Variants in MAEA observed in about 807,000 individuals in gnomAD.
The protein encoded by MAEA is macrophage erythroblast attacher, E3 ubiquitin ligase.
Under a neutral mutation model 46.2 loss-of-function variants are expected in MAEA, and 22 were observed. The ratio of observed to expected loss-of-function variants is 0.48; its 90% confidence interval spans 0.34 to 0.68. The LOEUF (loss-of-function observed/expected upper bound fraction) is 0.68, where lower values mean the gene tolerates loss of function less well. Ranked by LOEUF, MAEA falls within the 30% of genes least tolerant of loss-of-function variation. MAEA has a pLI of 0.01. For missense variants in MAEA, 393 were observed against 558.1 expected (o/e 0.70, Z 2.98); for synonymous variants, 246 against 222.6 (o/e 1.11, Z -0.94).
At chr4:1,304,198 G>A (rs1038062937) in intron 1 of MAEA, among the ~76,000 whole-genome samples, 14 of 152,200 alleles carry the variant, frequency 9.2e-5, no homozygotes, top group South Asian at 4.1e-4. Context: ...GGTCCAAATC[G>A]TCGTGTGCTG....
chr4:1,313,152 C>G (rs1736724489), intron 2 of MAEA, among the ~76,000 whole-genome samples: 2 of 152,234 alleles, frequency 1.3e-5, no homozygotes. Context: ...ATTGGAGACC[C>G]TCAGCCTTCA....
intron 5 of MAEA, chr4:1,328,846 G>A: frequency 1.9e-6 from 2 of 1,046,210 alleles, no homozygotes; most frequent in South Asian, 2.8e-5. Context: ...ACGCACGAGG[G>A]AGCCAGGCCT....
At chr4:1,294,934 C>T (rs867265742) in intron 1 of MAEA, among the ~76,000 whole-genome samples, 4 of 152,124 alleles carry the variant, frequency 2.6e-5, no homozygotes, top group Middle Eastern at 6.8e-3. Flanking sequence ...AAGTCCTGGC[C>T]GGCTCTCACC....
intron 1 of MAEA, among the ~76,000 whole-genome samples, chr4:1,302,870 A>G (rs569069784): frequency 1.5e-3 from 233 of 152,334 alleles, no homozygotes; most frequent in South Asian, 7.9e-3. Flanking sequence ...ATCCTTAGGG[A>G]AATACAAACC....
At chr4:1,336,093 G>A (rs527920789) in intron 6 of MAEA, among the ~76,000 whole-genome samples, 3 of 152,178 alleles carry the variant, frequency 2.0e-5, no homozygotes, top group East Asian at 1.9e-4. Context: ...GCCCTGCAGT[G>A]TGTTGAAATC....
intron 6 of MAEA, 118 bp from the exon 7 acceptor site, chr4:1,336,743 G>A: frequency 1.1e-6 from 1 of 889,684 alleles, no homozygotes; most frequent in African/African-American, 1.7e-5. Context: ...AAAGTGTGTG[G>A]GTCACTGGGG....
chr4:1,298,106 T>G (rs1418570660), intron 1 of MAEA: 2 of 456,164 alleles, frequency 4.4e-6, no homozygotes, highest in African/African-American at 2.0e-5. Context: ...TTTAGCACCC[T>G]GTACCCCAGG....
chr4:1,293,973 G>A (rs754160527), intron 1 of MAEA, among the ~76,000 whole-genome samples: 8 of 152,160 alleles, frequency 5.3e-5, no homozygotes, highest in African/African-American at 2.4e-5. Flanking sequence ...ATGTGTTCTC[G>A]AGTGTGAGAA....
At chr4:1,313,615 TACTC>T (rs911515930) in intron 2 of MAEA, among the ~76,000 whole-genome samples, 4 of 151,992 alleles carry the variant, frequency 2.6e-5, no homozygotes, top group Non-Finnish European at 4.4e-5. Flanking sequence ...CCCCAGCAGA[TACTC>T]AGGAGGCTGA....
At chr4:1,306,241 G>A (rs185440101) in intron 1 of MAEA, among the ~76,000 whole-genome samples, 3 of 152,290 alleles carry the variant, frequency 2.0e-5, no homozygotes, top group East Asian at 3.9e-4. Context: ...TTTCCGCTGT[G>A]GTCTAATTTG....
At chr4:1,290,346 C>G (rs1030316537) in intron 1 of MAEA, among the ~76,000 whole-genome samples, 1 of 152,188 alleles carries the variant, frequency 6.6e-6, no homozygotes, top group Non-Finnish European at 1.5e-5. Flanking sequence ...CGTGCCCAGC[C>G]AGTGCCCGGC....
In MAEA at chr4:1,315,362, C is replaced by T. The variant is rs367557668; in HGVS notation, c.253-35C>T. ...CTTGGTGCAGGGCTGCGGGGCATCC[C>T]TGTCCTGAACGTGCCTCTGTTGTGT... is the stretch of plus-strand genomic sequence containing the variant. On this transcript the variant is annotated intron_variant, in intron 2 of 8. Transcript: ENST00000303400. 3.7e-6 allele frequency: 6 copies of T among 1,605,298 alleles called. No homozygotes were observed. The East Asian group carries it at 6.7e-5, about 18-fold the overall frequency.
chr4:1,320,917 G>A (rs945801594), intron 3 of MAEA, among the ~76,000 whole-genome samples: 1 of 152,176 alleles, frequency 6.6e-6, no homozygotes, highest in African/African-American at 2.4e-5. Context: ...TGGCTAACAC[G>A]GTGAAACCCT....
rs547096165 is a variant in MAEA, at chr4:1,327,560, G to T, written c.580-67G>T. 24 of 1,093,608 alleles carry T rather than the reference G, an allele frequency of 2.2e-5. No homozygotes were observed. In the African/African-American group the frequency reaches 2.6e-4, roughly 12 times the overall value. The allele number at this position is 1,093,608 out of a possible 1,614,324, so 67.7% of individuals were successfully genotyped here. On this transcript the variant is annotated intron_variant, in intron 4 of 8. Coordinates refer to ENST00000303400, the MANE Select transcript of MAEA (RefSeq NM_001017405.3). ...GGGGTCTGCTGGTGGACATGCGGGT[G>T]CGGCACCCGGGCACCTGGGCTCTGT...
intron 5 of MAEA, 120 bp from the exon 6 acceptor site, chr4:1,332,637 G>A (rs777159840): frequency 9.5e-5 from 65 of 681,198 alleles, no homozygotes; most frequent in Admixed American, 2.9e-4. Flanking sequence ...CTGAGAGTTC[G>A]AGGCTACAGT....
chr4:1,309,926 T>C (rs1005065447), intron 1 of MAEA: 2 of 1,286,510 alleles, frequency 1.6e-6, no homozygotes, highest in Non-Finnish European at 2.0e-6. Context: ...CGTTCCCGCG[T>C]AGAACTTGAA....
intron 5 of MAEA, chr4:1,329,919 G>C (rs1452791652): frequency 1.0e-6 from 1 of 985,426 alleles, no homozygotes; most frequent in African/African-American, 1.7e-5. Context: ...CTGAACTCAC[G>C]GTCCACATGG....
rs71168823 is a variant in MAEA at position 1,303,232 on chromosome 4, C to CAAAAAAAAAA, written c.70-8733_70-8724dup. ...TGAAACCCCGTCTCTACTAAAAATA[C>CAAAAAAAAAA]AAAAAAAAAAAAAAAAAAAAAAAGC... On this transcript the variant is annotated intron_variant, in intron 1 of 8. Coordinates refer to ENST00000303400, the MANE Select transcript of MAEA (RefSeq NM_001017405.3). Among the ~76,000 whole-genome samples, 431 of 64,614 alleles carry CAAAAAAAAAA rather than the reference C, an allele frequency of 6.7e-3. 1 individual carries two copies. The highest frequency in any genetic ancestry group is 0.011 in the Middle Eastern group (1 of 90). 42.4% of individuals were successfully genotyped at this position (64,614 alleles called of 152,430 possible).
At chr4:1,324,877 G>C (rs1032620718) in intron 4 of MAEA, among the ~76,000 whole-genome samples, 1 of 149,006 alleles carries the variant, frequency 6.7e-6, no homozygotes, top group Non-Finnish European at 1.5e-5. Context: ...GAGCGTGCCT[G>C]GTGTTGGATG....
Sources: allele counts gnomAD v4.1 joint callset (sites outside exome capture counted in the v4.1 genomes callset), GRCh38; gene constraint gnomAD v4.1.1; transcripts MANE v1.5; gene names NCBI Gene and HGNC (gene_info 2026-07-23, HGNC 2026-07-21).